The following CSMD3 variants were observed in gnomAD, a reference collection of about 807,000 sequenced individuals.
CSMD3 encodes the protein CUB and sushi domain-containing protein 3.
Under a neutral mutation model 435.2 loss-of-function variants are expected in CSMD3, and 177 were observed. The observed-to-expected ratio is 0.41, with a 90% confidence interval of 0.36 to 0.46. CSMD3 has a LOEUF of 0.46. Ranked by LOEUF, CSMD3 falls within the 20% of genes least tolerant of loss-of-function variation. The pLI, the probability that CSMD3 is intolerant of heterozygous loss-of-function variation, is 0.34. For missense variants in CSMD3, 4,265 were observed against 4,504.6 expected (o/e 0.95, Z 1.52); for synonymous variants, 1,656 against 1,520.5 (o/e 1.09, Z -2.07).
At chr8:112,896,115 T>C (rs992617761) in intron 10 of CSMD3, among the ~76,000 whole-genome samples, 6 of 151,594 alleles carry the variant, frequency 4.0e-5, no homozygotes, top group African/African-American at 1.4e-4. Context: ...TGCTGAATAA[T>C]TTCCAAGGTG....
At position 112,408,901 on chromosome 8, in the gene CSMD3, A is replaced by T. The variant is rs1210699468; in HGVS notation, c.5509+18T>A. The T allele has an allele frequency of 1.2e-6, 2 of 1,613,236 alleles. No homozygotes were observed. Among genetic ancestry groups the T allele is most frequent in the Non-Finnish European group, 1.7e-6 (2 of 1,179,472 alleles). ...CTTTAATCAGTAACTGATGCATGGCAGTTCTATTAAAGGATACCTGAATGG... is the reference window on the plus strand; with the variant it reads ...CTTTAATCAGTAACTGATGCATGGCTGTTCTATTAAAGGATACCTGAATGG... On this transcript the variant is annotated intron_variant, in intron 33 of 70. Coordinates refer to ENST00000297405, the MANE Select transcript of CSMD3 (RefSeq NM_198123.2).
At chr8:112,685,267 C>G in intron 15 of CSMD3, 139 bp downstream of exon 15, 1 of 654,410 alleles carries the variant, frequency 1.5e-6, no homozygotes, top group Non-Finnish European at 2.6e-6. Flanking sequence ...GAAGAAATGA[C>G]CATCCTTGGC....
intron 18 of CSMD3, among the ~76,000 whole-genome samples, chr8:112,651,599 G>A (rs1051325403): frequency 6.7e-6 from 1 of 150,026 alleles, no homozygotes; most frequent in Non-Finnish European, 1.5e-5. Context: ...GTACAATGGC[G>A]TGATCTCGGC....
Position 112,747,183 on chromosome 8 carries a change from C to CTTTTTTTTT in CSMD3, c.1972+52970_1972+52978dup, listed in dbSNP as rs71309787. Reference sequence around the variant, plus strand: ...TATGATTATTTGTCTGCACACTTCCCTTTTTTTTTTTTTTTTTTTTTTTTT... The same window carrying CTTTTTTTTT: ...TATGATTATTTGTCTGCACACTTCCCTTTTTTTTTTTTTTTTTTTTTTTTTTTTTTTTTT... On this transcript the variant is annotated intron_variant, in intron 13 of 70. Coordinates refer to ENST00000297405, the MANE Select transcript of CSMD3 (RefSeq NM_198123.2). Among the ~76,000 whole-genome samples the CTTTTTTTTT allele has an allele frequency of 8.2e-4, 22 of 26,934 alleles. 2 individuals are homozygous for CTTTTTTTTT. Among genetic ancestry groups the CTTTTTTTTT allele is most frequent in the African/African-American group, 2.6e-3 (10 of 3,830 alleles). 17.7% of individuals were successfully genotyped at this position (26,934 alleles called of 152,430 possible).
At position 113,209,966 on chromosome 8, in the gene CSMD3, CT is replaced by C. The variant is rs2092813511; in HGVS notation, c.515-36051del. ...CTTTACCCTTTTAAAACAATTGACT[CT>C]GTTTATGAAACTAACCCGTTTTACT... On this transcript the variant is annotated intron_variant, in intron 3 of 70. Transcript: ENST00000297405. Among the ~76,000 whole-genome samples the C allele has an allele frequency of 2.0e-5, 3 of 151,018 alleles. No homozygotes were observed. In the South Asian group the frequency reaches 6.3e-4, roughly 31 times the overall value.
At chr8:113,376,473 G>A (rs150842542) in intron 1 of CSMD3, among the ~76,000 whole-genome samples, 157 of 152,178 alleles carry the variant, frequency 1.0e-3, no homozygotes, top group South Asian at 7.0e-3. Flanking sequence ...AAACTGGGAG[G>A]TGAGGGGTTG....
chr8:113,204,948 G>T (rs1333607650), intron 3 of CSMD3, among the ~76,000 whole-genome samples: 1 of 151,688 alleles, frequency 6.6e-6, no homozygotes, highest in East Asian at 2.0e-4. Context: ...TACATGAATG[G>T]CAGCAGGCAA....
chr8:113,112,454 TACACACACACACACACACGTACAC>T (rs2090684551), intron 4 of CSMD3, among the ~76,000 whole-genome samples: 1 of 45,338 alleles, frequency 2.2e-5, no homozygotes, highest in Non-Finnish European at 3.9e-5. Flanking sequence ...TATATGTATA[TACACACACACACACACACGTACAC>T]ACACACACAC....
At chr8:112,641,562 T>C (rs1227365038) in intron 20 of CSMD3, among the ~76,000 whole-genome samples, 2 of 151,950 alleles carry the variant, frequency 1.3e-5, no homozygotes, top group Non-Finnish European at 2.9e-5. Context: ...ACAATCCAGG[T>C]CTGGTGGCTC....
intron 5 of CSMD3, among the ~76,000 whole-genome samples, chr8:113,073,769 A>T (rs568911741): frequency 6.6e-6 from 1 of 151,762 alleles, no homozygotes; most frequent in African/African-American, 2.4e-5. Context: ...GGGCATATAT[A>T]GGACCTTTCA....
In CSMD3 at chr8:112,322,764, C is replaced by T. The variant is rs138562763; in HGVS notation, c.7166-2783G>A. ...ACCCCTTTTGTGGCACATGTAAACA[C>T]GACTTGTTCAAAGTGTGTTATTTTC... On this transcript the variant is annotated intron_variant, in intron 45 of 70. Transcript: ENST00000297405. Among the ~76,000 whole-genome samples the T allele has an allele frequency of 1.2e-4, 19 of 152,128 alleles. No homozygotes were observed. In the East Asian group the frequency reaches 2.5e-3, roughly 20 times the overall value.
chr8:113,210,494 T>G (rs2092821397), intron 3 of CSMD3, among the ~76,000 whole-genome samples: 1 of 152,066 alleles, frequency 6.6e-6, no homozygotes, highest in Non-Finnish European at 1.5e-5. Flanking sequence ...CAAGTAAAAA[T>G]GTACATATTT....
At chr8:112,314,382 A>T (rs1586743408) in intron 48 of CSMD3, 47 bp downstream of exon 48, 1 of 1,314,502 alleles carries the variant, frequency 7.6e-7, no homozygotes, top group East Asian at 2.3e-5. Flanking sequence ...TAATTAGAAC[A>T]TTTGTACTTA....
chr8:112,653,707 T>G (rs1418958521), intron 18 of CSMD3, among the ~76,000 whole-genome samples: 1 of 150,694 alleles, frequency 6.6e-6, no homozygotes, highest in Non-Finnish European at 1.5e-5. Flanking sequence ...TCACCCAGGC[T>G]GGAGTACAAT....
At chr8:112,699,189 C>G (rs1223873902) in intron 13 of CSMD3, among the ~76,000 whole-genome samples, 1 of 152,132 alleles carries the variant, frequency 6.6e-6, no homozygotes, top group African/African-American at 2.4e-5. Flanking sequence ...GCTGCTCACT[C>G]TTCGGGTCCG....
In CSMD3 at chr8:112,494,383, CCTA is replaced by C. The variant is rs1336987261; in HGVS notation, c.5084-1703_5084-1701del. On this transcript the variant is annotated intron_variant, in intron 30 of 70. Coordinates refer to ENST00000297405, the MANE Select transcript of CSMD3 (RefSeq NM_198123.2). ...CTACAAATACTTAAAGGCTCACGAC[CCTA>C]CTATTTTCTTTTTCTTTTCTTTTCT... 1.3e-5 allele frequency among the ~76,000 whole-genome samples: 2 copies of C among 150,166 alleles called. 1 individual carries two copies. The highest frequency in any genetic ancestry group is 3.0e-5 in the Non-Finnish European group (2 of 67,156).
chr8:112,579,740 T>A (rs965694304), intron 23 of CSMD3, among the ~76,000 whole-genome samples: 3 of 152,042 alleles, frequency 2.0e-5, no homozygotes, highest in Admixed American at 2.0e-4. Context: ...TAATACACTT[T>A]AGAAAACAAC....
chr8:113,195,808 TATATATAC>T (rs1488867042), intron 3 of CSMD3, among the ~76,000 whole-genome samples: 52 of 141,334 alleles, frequency 3.7e-4, no homozygotes, highest in African/African-American at 1.2e-3. Flanking sequence ...TATATATATA[TATATATAC>T]ACACACACAC....
chr8:112,237,368 A>G lies in CSMD3; in HGVS notation c.10469-20T>C. ...CAGGAACTGTGAATAGATTAAATAT[A>G]CCACACATTAATTTTACAATGCCAT... On this transcript the variant is annotated intron_variant, in intron 66 of 70. Coordinates refer to ENST00000297405, the MANE Select transcript of CSMD3 (RefSeq NM_198123.2). 1.3e-6 allele frequency: 2 copies of G among 1,542,982 alleles called. No homozygotes were observed. The highest frequency in any genetic ancestry group is 1.8e-6 in the Non-Finnish European group (2 of 1,115,914).
Sources: gnomAD v4.1 joint callset for allele counts (sites outside exome capture counted in the v4.1 genomes callset) on GRCh38, gnomAD v4.1.1 for gene constraint, MANE v1.5 for transcripts, NCBI Gene and HGNC (gene_info 2026-07-23, HGNC 2026-07-21) for gene names.